Variants in ADGRL2 observed in about 807,000 individuals in gnomAD.
ADGRL2 encodes calcium-independent alpha-latrotoxin receptor 2.
Under a neutral mutation model 157.4 loss-of-function variants are expected in ADGRL2, and 44 were observed. The observed-to-expected ratio is 0.28, with a 90% CI of 0.22 to 0.36. The LOEUF is 0.36. ADGRL2 is among the 10% of genes least tolerant of loss of function. The pLI is 1.00. For missense variants in ADGRL2, 1,510 were observed against 1,768.9 expected, an observed-to-expected ratio of 0.85 and a Z score of 2.63; for synonymous variants, 585 against 624.7, an observed-to-expected ratio of 0.94 and a Z score of 0.95.
chr1:81,439,756 C>T (rs1444546659), intron 1 of ADGRL2, among the ~76,000 whole-genome samples: 1 of 152,254 alleles, frequency 6.6e-6, no homozygotes. Flanking sequence ...CAGTTGGTCC[C>T]TTGCCCCATT....
chr1:81,317,029 G>T (rs543316112), intron 1 of ADGRL2, among the ~76,000 whole-genome samples: 1 of 152,192 alleles, frequency 6.6e-6, no homozygotes, highest in African/African-American at 2.4e-5. Flanking sequence ...TTACAACAGT[G>T]ATTCTCAACT....
intron 2 of ADGRL2, among the ~76,000 whole-genome samples, chr1:81,778,449 T>C (rs187955401): frequency 0.018 from 2,747 of 150,512 alleles, 82 homozygotes; most frequent in African/African-American, 0.065. Context: ...TGTTCTGATA[T>C]ACTAGCTTTA....
chr1:81,727,369 G>A (rs949427703), intron 1 of ADGRL2, among the ~76,000 whole-genome samples: 6 of 152,234 alleles, frequency 3.9e-5, no homozygotes, highest in Admixed American at 1.3e-4. Context: ...TATTTAAAAA[G>A]TATATGTATA....
At chr1:81,426,795 G>C in intron 1 of ADGRL2, 1 of 481,494 alleles carries the variant, frequency 2.1e-6, no homozygotes, top group Non-Finnish European at 4.0e-6. Flanking sequence ...TTTCTAGAGA[G>C]GAGTCGATAA....
At chr1:81,917,552 A>T (rs989202842) in intron 3 of ADGRL2, among the ~76,000 whole-genome samples, 1 of 152,216 alleles carries the variant, frequency 6.6e-6, no homozygotes, top group Non-Finnish European at 1.5e-5. Flanking sequence ...AGTCTTTAAC[A>T]CATTTAAATG....
intron 1 of ADGRL2, among the ~76,000 whole-genome samples, chr1:81,366,121 T>C (rs1051688777): frequency 2.6e-5 from 4 of 152,178 alleles, no homozygotes; most frequent in Non-Finnish European, 5.9e-5. Context: ...AAAATATCTA[T>C]GAAAATCTTT....
chr1:81,342,249 T>C (rs1662126464), intron 1 of ADGRL2, among the ~76,000 whole-genome samples: 1 of 152,218 alleles, frequency 6.6e-6, no homozygotes, highest in African/African-American at 2.4e-5. Flanking sequence ...ACTAAAAATA[T>C]TATTTAAATG....
At chr1:81,966,340 T>G in intron 12 of ADGRL2, 64 bp from the exon 13 acceptor site, 1 of 1,543,890 alleles carries the variant, frequency 6.5e-7, no homozygotes, top group Admixed American at 1.7e-5. Flanking sequence ...TTTATTCTTA[T>G]TTTATCTTAG....
intron 1 of ADGRL2, chr1:81,427,007 C>T: frequency 1.0e-6 from 1 of 981,062 alleles, no homozygotes; most frequent in Non-Finnish European, 1.6e-6. Flanking sequence ...CATTGTTATT[C>T]AGAAATACCA....
intron 2 of ADGRL2, among the ~76,000 whole-genome samples, chr1:81,573,040 A>G (rs1319110584): frequency 6.6e-6 from 1 of 151,720 alleles, no homozygotes; most frequent in African/African-American, 2.4e-5. Flanking sequence ...AGGAGGGCTA[A>G]CTCTTTAAGT....
At chr1:81,571,233 G>A (rs1296346258) in intron 2 of ADGRL2, among the ~76,000 whole-genome samples, 1 of 151,660 alleles carries the variant, frequency 6.6e-6, no homozygotes, top group Non-Finnish European at 1.5e-5. Flanking sequence ...GCTGAGGCAT[G>A]AGAATTGCTT....
At chr1:81,388,589 G>C (rs1268315191) in intron 1 of ADGRL2, among the ~76,000 whole-genome samples, 1 of 152,124 alleles carries the variant, frequency 6.6e-6, no homozygotes, top group Non-Finnish European at 1.5e-5. Context: ...AGACTTGGGA[G>C]GTGATGAGTG....
At chr1:81,959,463 T>C (rs1654630040) in intron 11 of ADGRL2, among the ~76,000 whole-genome samples, 1 of 152,210 alleles carries the variant, frequency 6.6e-6, no homozygotes, top group Non-Finnish European at 1.5e-5. Flanking sequence ...CTTTATTTTC[T>C]TTATATCTTG....
intron 3 of ADGRL2, among the ~76,000 whole-genome samples, chr1:81,684,064 C>T (rs2083179120): frequency 6.6e-6 from 1 of 152,180 alleles, no homozygotes; most frequent in Non-Finnish European, 1.5e-5. Flanking sequence ...ATCCGCCTGC[C>T]TCAGCCTCCC....
At chr1:81,508,647 G>T (rs2079022045) in intron 2 of ADGRL2, among the ~76,000 whole-genome samples, 1 of 152,248 alleles carries the variant, frequency 6.6e-6, no homozygotes, top group Admixed American at 6.5e-5. Flanking sequence ...CAAGTGCCAG[G>T]CCCTACCTAC....
At chr1:81,423,953 A>G (rs1221352384) in intron 1 of ADGRL2, among the ~76,000 whole-genome samples, 1 of 152,220 alleles carries the variant, frequency 6.6e-6, no homozygotes, top group Admixed American at 6.5e-5. Context: ...CAATCTACCA[A>G]TGTATCAGGC....
intron 1 of ADGRL2, among the ~76,000 whole-genome samples, chr1:81,430,612 C>G (rs1167492730): frequency 2.0e-5 from 3 of 152,150 alleles, no homozygotes; most frequent in Non-Finnish European, 2.9e-5. Flanking sequence ...TCCCCTCTCC[C>G]CCAGCCCCCC....
intron 2 of ADGRL2, among the ~76,000 whole-genome samples, chr1:81,895,874 C>G (rs1230409920): frequency 4.6e-5 from 7 of 152,114 alleles, no homozygotes; most frequent in African/African-American, 1.7e-4. Flanking sequence ...AGTCTCCACC[C>G]TAATGAGTTT....
intron 2 of ADGRL2, among the ~76,000 whole-genome samples, chr1:81,857,997 C>CA (rs1455171509): frequency 6.6e-6 from 1 of 151,948 alleles, no homozygotes; most frequent in Non-Finnish European, 1.5e-5. Context: ...TATTTTATCT[C>CA]AAACGTGAAA....
Sources: allele counts gnomAD v4.1 joint callset (sites outside exome capture counted in the v4.1 genomes callset), GRCh38; gene constraint gnomAD v4.1.1; transcripts MANE v1.5; gene names NCBI Gene and HGNC (gene_info 2026-07-23, HGNC 2026-07-21).